Variants in NAA25 observed in about 807,000 individuals in gnomAD.
NAA25 encodes the protein N-terminal acetyltransferase B complex subunit NAA25.
In NAA25, 30 loss-of-function variants were observed where a neutral mutation model predicts 132.5. That is an observed-to-expected ratio of 0.23 (90% CI 0.17 to 0.31). The LOEUF is 0.31. NAA25 is among the 10% of genes least tolerant of loss of function. The pLI, the probability that NAA25 is intolerant of heterozygous loss-of-function variation, is 1.00. For missense variants in NAA25, 771 were observed against 1,150.4 expected, an observed-to-expected ratio of 0.67 and a Z score of 4.77; for synonymous variants, 359 against 401.9, an observed-to-expected ratio of 0.89 and a Z score of 1.28.
intron 3 of NAA25, chr12:112,090,175 T>G (rs1331088053): frequency 6.6e-6 from 1 of 152,064 alleles, no homozygotes; most frequent in Non-Finnish European, 1.5e-5. Flanking sequence ...GAGTTTTCAT[T>G]ATTACACATC....
intron 3 of NAA25, among the ~76,000 whole-genome samples, chr12:112,088,332 T>G (rs922177496): frequency 2.8e-5 from 4 of 144,956 alleles, no homozygotes; most frequent in African/African-American, 1.0e-4. Flanking sequence ...TTTTTTTTTT[T>G]TTTTTTTTTT....
In NAA25 at chr12:112,071,906, T is replaced by C. The variant is rs773732293; in HGVS notation, c.1025A>G (p.Glu342Gly). Residue 342 changes from glutamate to glycine, a missense_variant, in exon 10 of 24, where the codon GAG (glutamate) becomes GGG (glycine). Around this residue, in one of 3 missense-constraint regions of NAA25, gnomAD observed 417 missense variants for 733.8 expected, o/e 0.57. Coordinates refer to ENST00000261745, the MANE Select transcript of NAA25 (RefSeq NM_024953.4). ...RRLRSQGCNDEYKLGDPEELM... is the reference protein window; with the variant it reads ...RRLRSQGCNDGYKLGDPEELM... ...TCATGGTTTCTTACCCAGTTTGTAC[T>C]CATCGTTACAACCTTGACTTCGTAA... The C allele has an allele frequency of 2.5e-6, 4 of 1,613,014 alleles. No individual in the cohort carries two copies. In the African/African-American group the frequency reaches 5.3e-5, roughly 22 times the overall value.
At chr12:112,056,057 G>A (rs2078539808) in intron 13 of NAA25, among the ~76,000 whole-genome samples, 1 of 152,086 alleles carries the variant, frequency 6.6e-6, no homozygotes. Context: ...AAAACTGGCT[G>A]GGCACAGTGG....
At chr12:112,075,552 C>T in intron 8 of NAA25, 126 bp downstream of exon 8, 3 of 684,994 alleles carry the variant, frequency 4.4e-6, no homozygotes, top group South Asian at 1.9e-5. Flanking sequence ...TAGAAACATG[C>T]AGGACACAAC....
chr12:112,078,789 CTATTGA>C lies in NAA25; in HGVS notation c.478-54_478-49del, dbSNP rs781445706. 2.2e-5 allele frequency: 31 copies of C among 1,438,348 alleles called. No homozygotes were observed. The South Asian group carries it at 2.6e-4, about 12-fold the overall frequency. The allele number at this position is 1,438,348 out of a possible 1,614,324, so 89.1% of individuals were successfully genotyped here. On this transcript the variant is annotated intron_variant, in intron 5 of 23. Coordinates refer to ENST00000261745, the MANE Select transcript of NAA25 (RefSeq NM_024953.4). ...TCATTCTAATTCTCCCCTGCTTGCACTATTGATATTAACATTACTGTTAATTGGGCA... is the reference window on the plus strand; with the variant it reads ...TCATTCTAATTCTCCCCTGCTTGCACTATTAACATTACTGTTAATTGGGCA...
At chr12:112,098,815 T>C (rs532415874) in intron 1 of NAA25, among the ~76,000 whole-genome samples, 2 of 152,282 alleles carry the variant, frequency 1.3e-5, no homozygotes, top group South Asian at 4.1e-4. Context: ...TAGAGTGCAG[T>C]TGCGCGATCC....
rs557630361 is a variant in NAA25, at chr12:112,077,977, T to C, written c.664+211A>G. ...GGCTAGAGATCTGGAGTATAACCTT[T>C]CACACTCCTTGAAGTTTCTGAATCT... On this transcript the variant is annotated intron_variant, in intron 7 of 23. Transcript: ENST00000261745. 2.0e-5 allele frequency among the ~76,000 whole-genome samples: 3 copies of C among 152,154 alleles called. No individual in the cohort carries two copies. The East Asian group carries it at 5.8e-4, about 29-fold the overall frequency.
chr12:112,078,151 A>T (rs748230329), intron 7 of NAA25, 37 bp downstream of exon 7: 1 of 487,920 alleles, frequency 2.0e-6, no homozygotes, highest in Admixed American at 4.9e-5. Context: ...TTTAAATAGG[A>T]AAAAAAAAAA....
At chr12:112,101,309 CTA>C (rs1264355332) in intron 1 of NAA25, among the ~76,000 whole-genome samples, 1 of 152,084 alleles carries the variant, frequency 6.6e-6, no homozygotes, top group African/African-American at 2.4e-5. Context: ...AAAGCAGAAA[CTA>C]TGTCTGTGCT....
chr12:112,074,277 G>C (rs12302278), intron 9 of NAA25, among the ~76,000 whole-genome samples: 20,959 of 145,964 alleles, frequency 0.14, 1,838 homozygotes, highest in East Asian at 0.27. Flanking sequence ...GGAGGCAGAG[G>C]TTGCAGTGAG....
At chr12:112,093,282 G>A (rs2079163769) in intron 1 of NAA25, 146 bp from the exon 2 acceptor site, 5 of 517,654 alleles carry the variant, frequency 9.7e-6, no homozygotes, top group South Asian at 2.0e-5. Context: ...GCTTACACCT[G>A]TAATCCCAGC....
intron 12 of NAA25, 143 bp downstream of exon 12, chr12:112,061,038 T>C (rs530897779): frequency 3.1e-6 from 2 of 635,422 alleles, no homozygotes; most frequent in South Asian, 3.9e-5. Flanking sequence ...AGGCTTTACA[T>C]CATATTACTT....
In NAA25 at chr12:112,036,126, G is replaced by GA. The variant is rs547346179; in HGVS notation, c.2650-2748dup. ...CACTAAATTATTTTCCTGTGAAATG[G>GA]AAAAAAATGTTACTGTTTTTCACAT... On this transcript the variant is annotated intron_variant, in intron 22 of 23. Coordinates refer to ENST00000261745, the MANE Select transcript of NAA25 (RefSeq NM_024953.4). 5.1e-3 allele frequency among the ~76,000 whole-genome samples: 769 copies of GA among 152,116 alleles called. 3 individuals carry two copies. The highest frequency in any genetic ancestry group is 0.015 in the South Asian group (74 of 4,818).
intron 2 of NAA25, among the ~76,000 whole-genome samples, chr12:112,092,684 T>C (rs1331796539): frequency 2.9e-4 from 37 of 126,588 alleles, no homozygotes; most frequent in Admixed American, 2.8e-3. Flanking sequence ...TCCCCCCCCT[T>C]TTTTTTTTTT....
At chr12:112,030,487 T>C (rs1292704818) in intron 23 of NAA25, among the ~76,000 whole-genome samples, 1 of 152,186 alleles carries the variant, frequency 6.6e-6, no homozygotes, top group Non-Finnish European at 1.5e-5. Context: ...TTAACAAGTC[T>C]CCTCCATATT....
chr12:112,040,202 G>C, intron 21 of NAA25: 1 of 268,094 alleles, frequency 3.7e-6, no homozygotes, highest in South Asian at 7.6e-5. Flanking sequence ...TCAGAAAGGA[G>C]AATGAAAACA....
chr12:112,060,232 G>C (rs2078607192), intron 13 of NAA25, 38 bp downstream of exon 13: 1 of 1,414,918 alleles, frequency 7.1e-7, no homozygotes, highest in South Asian at 1.2e-5. Context: ...ATCAATAAAA[G>C]CAAAAAGTAA....
intron 23 of NAA25, among the ~76,000 whole-genome samples, chr12:112,031,697 A>T (rs2078152390): frequency 6.6e-6 from 1 of 151,940 alleles, no homozygotes; most frequent in Admixed American, 6.6e-5. Context: ...TGTGCCTATC[A>T]CCTTCATATC....
intron 1 of NAA25, among the ~76,000 whole-genome samples, chr12:112,096,616 A>G (rs1441912345): frequency 1.3e-5 from 2 of 152,206 alleles, no homozygotes; most frequent in South Asian, 2.1e-4. Context: ...GCATTGGAGA[A>G]TCACAGATAT....
Sources: allele counts gnomAD v4.1 joint callset (sites outside exome capture counted in the v4.1 genomes callset), GRCh38; gene constraint gnomAD v4.1.1; regional missense constraint gnomAD v4.1.1; transcripts MANE v1.5; gene names NCBI Gene and HGNC (gene_info 2026-07-23, HGNC 2026-07-21).